The following ENTPD7 variants were observed in gnomAD, a reference collection of about 807,000 sequenced individuals.
ENTPD7 encodes the protein ectonucleoside triphosphate diphosphohydrolase 7.
ENTPD7 carries 53 observed loss-of-function variants against 77.9 expected under a neutral mutation model. The ratio of observed to expected loss-of-function variants is 0.68; its 90% CI spans 0.55 to 0.85. ENTPD7 has a LOEUF of 0.85. Ranked by LOEUF, ENTPD7 falls within the 40% of genes least tolerant of loss-of-function variation. ENTPD7 has a pLI of 0.00. For missense variants in ENTPD7, 636 were observed against 743.7 expected (o/e 0.86, Z 1.68); for synonymous variants, 248 against 274.9 (o/e 0.90, Z 0.97).
chr10:99,706,384 A>T lies in ENTPD7; in HGVS notation c.*1701A>T, dbSNP rs2036253517. Reference sequence around the variant, plus strand: ...GGCCTCACGCTGTCACCCAGGCTGGAGTGCAGTTGTGCAACATCATGGCTC... The same window carrying T: ...GGCCTCACGCTGTCACCCAGGCTGGTGTGCAGTTGTGCAACATCATGGCTC... On this transcript the variant is annotated 3_prime_UTR_variant, in exon 13 of 13. Transcript: ENST00000370489. The T allele has an allele frequency of 1.3e-5, 2 of 151,240 alleles. No individual in the cohort carries two copies. The highest frequency in any genetic ancestry group is 2.9e-5 in the Non-Finnish European group (2 of 67,886). 9.4% of individuals were successfully genotyped at this position (151,240 alleles called of 1,614,324 possible).
intron 3 of ENTPD7, 25 bp downstream of exon 3, chr10:99,661,653 C>T (rs1428083755): frequency 6.4e-7 from 1 of 1,572,438 alleles, no homozygotes; most frequent in South Asian, 1.2e-5. Flanking sequence ...GATTTTGGCA[C>T]TCAAGTCATA....
At chr10:99,681,419 C>T (rs1194113657) in intron 5 of ENTPD7, among the ~76,000 whole-genome samples, 1 of 152,094 alleles carries the variant, frequency 6.6e-6, no homozygotes, top group African/African-American at 2.4e-5. Flanking sequence ...TCTGGGACCA[C>T]AGGCATGTGC....
rs764753437 is a variant in ENTPD7, at chr10:99,679,393, C to T, written c.324C>T (p.Asn108=). ...ATTTCTGGCCAAGACATAATGGGAA[C>T]CCCCATGACTTGCTGGACATCAAAC... ...FVYFWPRHNG[N]PHDLLDIKQM... The change falls in exon 4 of 13, where the codon AAC becomes AAT. Residue 108 remains asparagine (N), a synonymous_variant. Coordinates refer to ENST00000370489, the MANE Select transcript of ENTPD7 (RefSeq NM_020354.5). 3.1e-6 allele frequency: 5 copies of T among 1,613,926 alleles called. No homozygotes were observed. The highest frequency in any genetic ancestry group is 4.2e-6 in the Non-Finnish European group (5 of 1,180,030).
chr10:99,704,714 C>T lies in ENTPD7; in HGVS notation c.*31C>T. The T allele has an allele frequency of 6.3e-7, 1 of 1,578,454 alleles. No individual in the cohort carries two copies. The highest frequency in any genetic ancestry group is 8.6e-7 in the Non-Finnish European group (1 of 1,156,316). On this transcript the variant is annotated 3_prime_UTR_variant, in exon 13 of 13. Transcript: ENST00000370489. ...GACCAGGACTAGAGAAGCTTGAGCA[C>T]CCCCGAGTTGCTGCTCATTGAATTC...
chr10:99,669,755 T>TG (rs1554835547), intron 3 of ENTPD7, among the ~76,000 whole-genome samples: 11 of 131,066 alleles, frequency 8.4e-5, no homozygotes, highest in Non-Finnish European at 1.5e-4. Context: ...TTTTTTTTTT[T>TG]TTTTTTTTTT....
At chr10:99,671,238 AC>A (rs1268530827) in intron 3 of ENTPD7, among the ~76,000 whole-genome samples, 4 of 152,160 alleles carry the variant, frequency 2.6e-5, no homozygotes, top group African/African-American at 9.6e-5. Context: ...TAATAAATTA[AC>A]CTTAACTTAC....
In ENTPD7 at chr10:99,706,658, A is replaced by G. The variant is rs571969384; in HGVS notation, c.*1975A>G. On this transcript the variant is annotated 3_prime_UTR_variant, in exon 13 of 13. Transcript: ENST00000370489. ...CCTCTGTTTCCTTTGGAAATCTCTT[A>G]CCTTTCATTAGGGTTTCTTTCATAG... Among the ~76,000 whole-genome samples, 1 of 151,974 alleles carries G rather than the reference A, an allele frequency of 6.6e-6. No homozygotes were observed. The highest frequency in any genetic ancestry group is 2.4e-5 in the African/African-American group (1 of 41,450).
intron 3 of ENTPD7, among the ~76,000 whole-genome samples, chr10:99,665,476 G>T (rs567592775): frequency 6.6e-6 from 1 of 152,166 alleles, no homozygotes; most frequent in East Asian, 1.9e-4. Context: ...TCTGTCCCCA[G>T]ATTTTCTCAT....
At chr10:99,687,483 T>C (rs1187946400) in intron 6 of ENTPD7, among the ~76,000 whole-genome samples, 2 of 151,968 alleles carry the variant, frequency 1.3e-5, no homozygotes, top group Admixed American at 6.6e-5. Context: ...ACCAGGATGG[T>C]CTTGATCTCC....
chr10:99,700,430 GTGTGTGTGTGTGTGTTTATTGTC>G (rs2036095114), intron 10 of ENTPD7, among the ~76,000 whole-genome samples: 1 of 84,498 alleles, frequency 1.2e-5, no homozygotes, highest in Non-Finnish European at 2.7e-5. Context: ...GTGTGTGTGT[GTGTGTGTGTGTGTGTTTATTGTC>G]TGTCTCCTAC....
At chr10:99,668,658 C>A (rs1193940801) in intron 3 of ENTPD7, among the ~76,000 whole-genome samples, 1 of 152,122 alleles carries the variant, frequency 6.6e-6, no homozygotes, top group Non-Finnish European at 1.5e-5. Context: ...TTTTCCAATT[C>A]TCTTCTCTGC....
At chr10:99,701,163 A>C (rs1350635925) in intron 11 of ENTPD7, 105 bp downstream of exon 11, 1 of 1,035,480 alleles carries the variant, frequency 9.7e-7, no homozygotes, top group African/African-American at 1.6e-5. Context: ...TTGAGGGAGC[A>C]TTTGATTATT....
At chr10:99,685,938 A>G (rs780949116) in intron 6 of ENTPD7, 43 bp downstream of exon 6, 6 of 1,276,822 alleles carry the variant, frequency 4.7e-6, no homozygotes, top group South Asian at 3.7e-5. Flanking sequence ...CTCTAAGCCA[A>G]CCATGGCACA....
At chr10:99,701,090 G>C in intron 11 of ENTPD7, 32 bp downstream of exon 11, 1 of 1,549,722 alleles carries the variant, frequency 6.5e-7, no homozygotes, top group Middle Eastern at 1.7e-4. Flanking sequence ...CTTAGATGTG[G>C]ACTTAAAATC....
chr10:99,691,505 T>C lies in ENTPD7; in HGVS notation c.830T>C (p.Leu277Pro). Residue 277 changes from leucine (L) to proline (P), a missense_variant, in exon 8 of 13, where the codon CTT (leucine) becomes CCT (proline). Transcript: ENST00000370489. ...GAAGTTCCTACCTCAACCTCTGTCC[T>C]TCCTGCAAAGCAGGTACTTTACCTT... is the stretch of plus-strand genomic sequence containing the variant. ...AYEVPTSTSV[L>P]PAKQEEAAKI... The C allele has an allele frequency of 6.2e-7, 1 of 1,613,702 alleles. No homozygotes were observed. The highest frequency in any genetic ancestry group is 8.5e-7 in the Non-Finnish European group (1 of 1,179,880).
intron 3 of ENTPD7, among the ~76,000 whole-genome samples, chr10:99,675,842 C>A (rs948502071): frequency 6.6e-6 from 1 of 152,038 alleles, no homozygotes; most frequent in Non-Finnish European, 1.5e-5. Context: ...ATGATCCACC[C>A]ACCTCGGCCT....
At chr10:99,684,359 G>C (rs1564631276) in intron 5 of ENTPD7, among the ~76,000 whole-genome samples, 2 of 152,062 alleles carry the variant, frequency 1.3e-5, no homozygotes, top group Non-Finnish European at 2.9e-5. Context: ...GCCTGTACTA[G>C]TAATTTGCAT....
intron 7 of ENTPD7, among the ~76,000 whole-genome samples, chr10:99,690,742 A>G (rs2035872406): frequency 6.6e-6 from 1 of 151,554 alleles, no homozygotes; most frequent in Admixed American, 6.6e-5. Flanking sequence ...GGGTTTCACC[A>G]TGTTGGTCAG....
intron 3 of ENTPD7, among the ~76,000 whole-genome samples, chr10:99,669,293 A>G (rs1381745554): frequency 6.6e-6 from 1 of 152,182 alleles, no homozygotes; most frequent in East Asian, 1.9e-4. Context: ...AATGTTTAAA[A>G]TATTTTAATT....
Sources: allele counts gnomAD v4.1 joint callset (sites outside exome capture counted in the v4.1 genomes callset), GRCh38; gene constraint gnomAD v4.1.1; transcripts MANE v1.5; gene names NCBI Gene and HGNC (gene_info 2026-07-23, HGNC 2026-07-21).